Variants in INTS4 observed in about 807,000 individuals in gnomAD.
INTS4 encodes the protein integrator complex subunit 4.
A neutral mutation model predicts 119.5 loss-of-function variants in INTS4; 70 were observed. The ratio of observed to expected loss-of-function variants is 0.59; its 90% CI spans 0.48 to 0.71. The LOEUF is 0.71. Among genes scored for constraint, INTS4 ranks in the 30% least tolerant of loss-of-function variants. INTS4 has a pLI of 0.00. For missense variants in INTS4, 867 were observed against 1,173.2 expected (o/e 0.74, Z 3.81); for synonymous variants, 316 against 419.6 (o/e 0.75, Z 3.02).
intron 8 of INTS4, among the ~76,000 whole-genome samples, chr11:77,946,760 C>CAA (rs61192670): frequency 4.0e-4 from 41 of 101,504 alleles, no homozygotes; most frequent in African/African-American, 1.0e-3. Flanking sequence ...GACCCTGTCT[C>CAA]AAAAAAAAAA....
intron 15 of INTS4, chr11:77,918,162 T>A (rs1175889347): frequency 1.4e-6 from 1 of 698,510 alleles, no homozygotes; most frequent in South Asian, 1.5e-5. Context: ...CCGGGCACAG[T>A]GGCTCACGCC....
At chr11:77,922,770 T>A in intron 12 of INTS4, 1 of 377,434 alleles carries the variant, frequency 2.6e-6, no homozygotes. Flanking sequence ...AGCAAAGTGC[T>A]CGGAAAAGGC....
chr11:77,994,623 C>G lies in INTS4; in HGVS notation c.21G>C (p.Lys7Asn). The G allele has an allele frequency of 6.2e-7, 1 of 1,614,190 alleles. No individual in the cohort carries two copies. Residue 7 changes from lysine to asparagine, a missense_variant, in exon 1 of 23, where the codon AAG (lysine) becomes AAC (asparagine). Transcript: ENST00000534064. MAAHLKKRVYEEFTKVV... is the reference protein window; with the variant it reads MAAHLKNRVYEEFTKVV... Reference sequence around the variant, plus strand: ...CTTTCGTGAATTCCTCATAAACCCGCTTCTTAAGGTGCGCCGCCATGCCTA... The same window carrying G: ...CTTTCGTGAATTCCTCATAAACCCGGTTCTTAAGGTGCGCCGCCATGCCTA...
chr11:77,898,708 C>T (rs1952639571), intron 18 of INTS4, among the ~76,000 whole-genome samples: 1 of 152,126 alleles, frequency 6.6e-6, no homozygotes, highest in Admixed American at 6.6e-5. Context: ...GTGACAGACA[C>T]TATTTTAAAG....
chr11:77,966,693 A>C (rs927307381), intron 4 of INTS4, among the ~76,000 whole-genome samples: 1 of 152,130 alleles, frequency 6.6e-6, no homozygotes, highest in African/African-American at 2.4e-5. Flanking sequence ...CAAATGCTTT[A>C]TATTTTGAAA....
At chr11:77,958,090 A>T (rs1954375902) in intron 7 of INTS4, among the ~76,000 whole-genome samples, 1 of 152,078 alleles carries the variant, frequency 6.6e-6, no homozygotes, top group South Asian at 2.1e-4. Context: ...GTCCTAAAAC[A>T]CTACAAATGG....
In INTS4 at chr11:77,991,199, G is replaced by A; in HGVS notation, c.155C>T (p.Ala52Val). ...GGCAAACTGGAGCAAGTATTGCAAA[G>A]CATCTGCTGGGGAGGTAGCTTTACA... ...DLCKATSPAD[A>V]LQYLLQFARK... Residue 52 changes from alanine to valine, a missense_variant, in exon 2 of 23, where the codon GCT becomes GTT. Ala to Val is a moderately conservative substitution (Grantham distance 64, BLOSUM62 0). Around this residue, in one of 5 missense-constraint regions of INTS4, gnomAD observed 224 missense variants for 231.8 expected, o/e 0.97. Transcript: ENST00000534064. The A allele has an allele frequency of 6.2e-7, 1 of 1,614,180 alleles. No homozygotes were observed. The highest frequency in any genetic ancestry group is 8.5e-7 in the Non-Finnish European group (1 of 1,180,022).
chr11:77,960,747 T>C (rs1046503648), intron 5 of INTS4, among the ~76,000 whole-genome samples: 1 of 152,176 alleles, frequency 6.6e-6, no homozygotes, highest in Admixed American at 6.6e-5. Flanking sequence ...CCATGTTTCA[T>C]AAATACACAT....
At chr11:77,989,654 C>T (rs1323728264) in intron 2 of INTS4, among the ~76,000 whole-genome samples, 3 of 151,616 alleles carry the variant, frequency 2.0e-5, no homozygotes, top group Non-Finnish European at 4.4e-5. Context: ...ATTTGGAAGC[C>T]CAAGGAGGGT....
At chr11:77,940,412 T>C (rs556134944) in intron 9 of INTS4, among the ~76,000 whole-genome samples, 13 of 152,106 alleles carry the variant, frequency 8.5e-5, no homozygotes, top group African/African-American at 2.2e-4. Flanking sequence ...GCCTGGGCAA[T>C]AGAGTGAGAC....
Position 77,981,439 on chromosome 11 carries a change from G to A in INTS4, c.364+20C>T. 1.6e-6 allele frequency: 2 copies of A among 1,245,730 alleles called. No homozygotes were observed. The highest frequency in any genetic ancestry group is 2.3e-6 in the Non-Finnish European group (2 of 884,376). 77.2% of individuals were successfully genotyped at this position (1,245,730 alleles called of 1,614,324 possible). ...TAAATATTTCTGCTCTGACTATAGA[G>A]CTTTTAAATTGCAACTTACTTTCAT... On this transcript the variant is annotated intron_variant, in intron 3 of 22. Coordinates refer to ENST00000534064, the MANE Select transcript of INTS4 (RefSeq NM_033547.4).
chr11:77,879,058 CA>C lies in INTS4; in HGVS notation c.2782del (p.Trp928GlyfsTer25). ...NSSARIPKCP[W>X]MEGGEMSPQV... ...TGGTGACATCTCACCACCCTCCATC[CA>C]GGGGCATTTTGGAATGCGAGCACTG... is the stretch of plus-strand genomic sequence containing the variant. On this transcript the variant is annotated frameshift_variant, in exon 23 of 23. Transcript: ENST00000534064. LOFTEE classifies it high-confidence loss of function. The C allele has an allele frequency of 6.2e-7, 1 of 1,614,150 alleles. No homozygotes were observed.
At chr11:77,918,487 T>C (rs915557110) in intron 15 of INTS4, 2 of 274,508 alleles carry the variant, frequency 7.3e-6, no homozygotes, top group Admixed American at 9.7e-5. Flanking sequence ...GTCCTGCCTA[T>C]GAGAAAGAAT....
At chr11:77,944,504 C>T (rs1218194460) in intron 8 of INTS4, among the ~76,000 whole-genome samples, 2 of 152,184 alleles carry the variant, frequency 1.3e-5, no homozygotes, top group Non-Finnish European at 2.9e-5. Flanking sequence ...TCCAAGAAGC[C>T]TTCTGTGGTT....
At chr11:77,928,301 G>T in intron 11 of INTS4, 41 bp downstream of exon 11, 7 of 1,600,204 alleles carry the variant, frequency 4.4e-6, no homozygotes, top group Non-Finnish European at 6.0e-6. Context: ...ACAGGGGGGG[G>T]TGAGGGATGA....
At chr11:77,984,181 T>C (rs374179135) in intron 2 of INTS4, among the ~76,000 whole-genome samples, 2 of 151,984 alleles carry the variant, frequency 1.3e-5, no homozygotes, top group Admixed American at 6.6e-5. Context: ...CTTAGAGCAG[T>C]TGAAATCACG....
At chr11:77,990,515 G>A (rs977185101) in intron 2 of INTS4, among the ~76,000 whole-genome samples, 2 of 151,728 alleles carry the variant, frequency 1.3e-5, no homozygotes, top group African/African-American at 4.8e-5. Context: ...GCAAAACCCC[G>A]TCTCTACTAA....
chr11:77,938,589 A>G (rs1173868857), intron 10 of INTS4, 62 bp downstream of exon 10: 41 of 1,571,100 alleles, frequency 2.6e-5, no homozygotes, highest in Non-Finnish European at 3.4e-5. Context: ...ATCACCCAGT[A>G]TAATGCCTGA....
Position 77,901,511 on chromosome 11 carries a change from C to G in INTS4, c.2138G>C (p.Gly713Ala). The change falls in exon 18 of 23, where the codon GGT becomes GCT. Residue 713 changes from glycine (G) to alanine (A), a missense_variant. Transcript: ENST00000534064. ...ETYKMEFMYS[G>A]VENKQVVIIH... Reference sequence around the variant, plus strand: ...AATCACCACCTGCTTATTCTCCACACCACTGTACATGAATTCCATTTTGTA... The same window carrying G: ...AATCACCACCTGCTTATTCTCCACAGCACTGTACATGAATTCCATTTTGTA... 1 of 1,612,100 alleles carries G rather than the reference C, an allele frequency of 6.2e-7. No individual in the cohort carries two copies. Among genetic ancestry groups the G allele is most frequent in the Non-Finnish European group, 8.5e-7 (1 of 1,178,194 alleles).
Sources: allele counts gnomAD v4.1 joint callset (sites outside exome capture counted in the v4.1 genomes callset), GRCh38; gene constraint gnomAD v4.1.1; regional missense constraint gnomAD v4.1.1; transcripts MANE v1.5; gene names NCBI Gene and HGNC (gene_info 2026-07-23, HGNC 2026-07-21).